SLC41A1: variants seen among roughly 807,000 people sequenced by gnomAD.
SLC41A1 encodes solute carrier family 41 (magnesium transporter), member 1.
Under a neutral mutation model 47.3 loss-of-function variants are expected in SLC41A1, and 20 were observed. The observed-to-expected ratio is 0.42, with a 90% CI of 0.30 to 0.61. The LOEUF (loss-of-function observed/expected upper bound fraction) is 0.61. SLC41A1 is among the 20% of genes least tolerant of loss of function. The pLI, the probability that SLC41A1 is intolerant of heterozygous loss-of-function variation, is 0.17. For synonymous variants in SLC41A1, 282 were observed against 272.7 expected (o/e 1.03, Z -0.34); for missense variants, 504 against 674.1 (o/e 0.75, Z 2.79).
intron 2 of SLC41A1, among the ~76,000 whole-genome samples, chr1:205,809,242 A>G (rs1288529418): frequency 1.3e-5 from 2 of 152,220 alleles, no homozygotes; most frequent in African/African-American, 2.4e-5. Context: ...GAGGTTCTTC[A>G]TAAGTCCTGA....
chr1:205,791,773 A>G lies in SLC41A1; in HGVS notation c.1357-55T>C. The G allele has an allele frequency of 6.3e-7, 1 of 1,598,440 alleles. No individual in the cohort carries two copies. Among genetic ancestry groups the G allele is most frequent in the Non-Finnish European group, 8.5e-7 (1 of 1,172,680 alleles). ...CCATCCTCTCTCTCCAGGGGGAGCC[A>G]GAGGCCACATGATCAGACCCATTCA... On this transcript the variant is annotated intron_variant, in intron 10 of 10. Transcript: ENST00000367137. The surrounding 1 kb of genome is among the most constrained non-coding windows in gnomAD (Gnocchi z 4.0).
At position 205,794,951 on chromosome 1, in the gene SLC41A1, G is replaced by A; in HGVS notation, c.1275C>T (p.Tyr425=). The change falls in exon 10 of 11, where the codon TAC becomes TAT. Residue 425 remains tyrosine (Y), a synonymous_variant. Transcript: ENST00000367137. Reference sequence around the variant, plus strand: ...GCCCGCCCTGCATACAGCTGATGGTGTAGAGGAACACCAGGTGTCCTGGGA... The same window carrying A: ...GCCCGCCCTGCATACAGCTGATGGTATAGAGGAACACCAGGTGTCCTGGGA... The part of the protein sequence containing the change: ...LVVPGHLVFL[Y]TISCMQGGHT... 6.2e-7 allele frequency: 1 copy of A among 1,614,136 alleles called. No homozygotes were observed. Among genetic ancestry groups the A allele is most frequent in the Non-Finnish European group, 8.5e-7 (1 of 1,180,032 alleles).
intron 1 of SLC41A1, among the ~76,000 whole-genome samples, chr1:205,812,345 T>G (rs150690820): frequency 2.2e-4 from 33 of 152,312 alleles, no homozygotes; most frequent in Non-Finnish European, 3.7e-4. Flanking sequence ...GGACTCCCTT[T>G]TCCAATCTCC....
In SLC41A1 at chr1:205,798,677, A is replaced by G. The variant is rs1287941345; in HGVS notation, c.836T>C (p.Leu279Pro). 1.2e-5 allele frequency: 19 copies of G among 1,614,072 alleles called. No homozygotes were observed. Among genetic ancestry groups the G allele is most frequent in the Non-Finnish European group, 1.6e-5 (19 of 1,180,036 alleles). ...CACTCTTGGTGGCTCACTCAGTTCC[A>G]GGTAGAGTCCCCAGCTGATGCCTGA... ...LLSGISWGLY[L>P]ELNHWRYIYP... Residue 279 changes from leucine to proline, a missense_variant, in exon 6 of 11, where the codon CTG becomes CCG. Transcript: ENST00000367137.
intron 8 of SLC41A1, 61 bp downstream of exon 8, chr1:205,796,863 C>T: frequency 1.3e-6 from 2 of 1,543,892 alleles, no homozygotes; most frequent in East Asian, 2.3e-5. Context: ...CTTAAGTCCT[C>T]TTCTCCTGTC....
chr1:205,792,939 C>T (rs923058994), intron 10 of SLC41A1, among the ~76,000 whole-genome samples: 1 of 142,458 alleles, frequency 7.0e-6, no homozygotes, highest in African/African-American at 2.7e-5. Context: ...TGTCCTCTCT[C>T]TTTTTTTTTT....
Position 205,812,473 on chromosome 1 carries a change from G to A in SLC41A1, c.-647+335C>T, listed in dbSNP as rs200213478. ...GAGTCCGCTAAAAGCTGACACCCCC[G>A]CCTCCCTCCTGTGTTCCTGGCAGGC... On this transcript the variant is annotated intron_variant, in intron 1 of 10. Coordinates refer to ENST00000367137, the MANE Select transcript of SLC41A1 (RefSeq NM_173854.6). Among the ~76,000 whole-genome samples the A allele has an allele frequency of 2.0e-5, 3 of 152,214 alleles. No individual in the cohort carries two copies. The Middle Eastern group carries it at 0.01, about 518-fold the overall frequency.
rs201009580 is a variant in SLC41A1, at chr1:205,794,907, A to G, written c.1319T>C (p.Ile440Thr). The G allele has an allele frequency of 4.5e-5, 73 of 1,613,888 alleles. No homozygotes were observed. Among genetic ancestry groups the G allele is most frequent in the Middle Eastern group, 3.3e-4 (2 of 6,076 alleles). The change falls in exon 10 of 11, where the codon ATC becomes ACC. Residue 440 changes from isoleucine (I) to threonine (T), a missense_variant. Coordinates refer to ENST00000367137, the MANE Select transcript of SLC41A1 (RefSeq NM_173854.6). ...MQGGHTTLTLIFIIFYMTAAL... is the reference protein window; with the variant it reads ...MQGGHTTLTLTFIIFYMTAAL... ...AGCTGTCATATAGAAGATGATGAAGATGAGTGTGAGGGTGGTGTGCCCGCC... is the reference window on the plus strand; with the variant it reads ...AGCTGTCATATAGAAGATGATGAAGGTGAGTGTGAGGGTGGTGTGCCCGCC...
intron 10 of SLC41A1, among the ~76,000 whole-genome samples, chr1:205,794,468 G>A (rs1485539246): frequency 1.3e-5 from 2 of 152,144 alleles, no homozygotes; most frequent in Non-Finnish European, 2.9e-5. Context: ...AGTTTTTCAA[G>A]CTATGGGATG....
chr1:205,794,804 C>A, intron 10 of SLC41A1, 66 bp downstream of exon 10: 1 of 1,604,630 alleles, frequency 6.2e-7, no homozygotes, highest in Non-Finnish European at 8.5e-7. Context: ...CCAAGTCTGG[C>A]CTCCTCTCCC....
rs535368121 is a variant in SLC41A1 at position 205,794,783 on chromosome 1, T to A, written c.1356+87A>T. 4 of 1,552,876 alleles carry A rather than the reference T, an allele frequency of 2.6e-6. No individual in the cohort carries two copies. In the South Asian group the frequency reaches 4.6e-5, roughly 18 times the overall value. On this transcript the variant is annotated intron_variant, in intron 10 of 10. Transcript: ENST00000367137. ...TGACACAGAGAAAGAGGAGGTTGAG[T>A]GTCTAAGAGGCCAAGTCTGGCCTCC...
intron 1 of SLC41A1, among the ~76,000 whole-genome samples, 176 bp from the exon 2 acceptor site, chr1:205,811,263 G>T (rs1656148669): frequency 6.6e-6 from 1 of 152,110 alleles, no homozygotes; most frequent in African/African-American, 2.4e-5. Flanking sequence ...CCATCTGGAG[G>T]CTCAGCAGGA....
At chr1:205,793,588 A>C (rs1373371049) in intron 10 of SLC41A1, among the ~76,000 whole-genome samples, 2 of 152,198 alleles carry the variant, frequency 1.3e-5, no homozygotes, top group African/African-American at 2.4e-5. Context: ...AGGGGGCTGG[A>C]GGGATAGGTG....
At chr1:205,798,306 G>A (rs571301751) in intron 6 of SLC41A1, among the ~76,000 whole-genome samples, 1 of 152,290 alleles carries the variant, frequency 6.6e-6, no homozygotes, top group East Asian at 1.9e-4. Flanking sequence ...CCAGAGGACA[G>A]AGACTCTAGG....
Position 205,791,258 on chromosome 1 carries a change from C to T in SLC41A1, c.*275G>A, listed in dbSNP as rs1379830712. The T allele has an allele frequency of 1.3e-5, 6 of 465,874 alleles. No individual in the cohort carries two copies. Among genetic ancestry groups the T allele is most frequent in the African/African-American group, 1.2e-4 (6 of 50,576 alleles). The allele number at this position is 465,874 out of a possible 1,614,324, so 28.9% of individuals were successfully genotyped here. A position where few individuals can be genotyped will look rare whatever the true frequency, so the allele number is the denominator to read the frequency against. On this transcript the variant is annotated 3_prime_UTR_variant, in exon 11 of 11. Coordinates refer to ENST00000367137, the MANE Select transcript of SLC41A1 (RefSeq NM_173854.6). This position sits in a 1 kb window ranked among gnomAD's most constrained non-coding sequence, Gnocchi z 4.0. ...CAGACAAAACTCCCCTGCTCCAGTC[C>T]ACATCACCTGGAGGCACCCACCATG...
At chr1:205,798,297 C>A (rs1429457509) in intron 6 of SLC41A1, among the ~76,000 whole-genome samples, 1 of 152,118 alleles carries the variant, frequency 6.6e-6, no homozygotes, top group Non-Finnish European at 1.5e-5. Context: ...GGACAGAGAC[C>A]AGAGGACAGA....
Position 205,799,749 on chromosome 1 carries a change from GC to G in SLC41A1, c.552+9del. 1 of 1,613,974 alleles carries G rather than the reference GC, an allele frequency of 6.2e-7. No individual in the cohort carries two copies. Among genetic ancestry groups the G allele is most frequent in the African/African-American group, 1.3e-5 (1 of 75,052 alleles). ...GCTTAGCCCACCCTCTCTGGTCCCT[GC>G]CTTCTTACCTGGATGAGGGCCATGT... On this transcript the variant is annotated intron_variant, in intron 4 of 10. Transcript: ENST00000367137.
chr1:205,799,369 C>T (rs918877080), intron 4 of SLC41A1, among the ~76,000 whole-genome samples: 1 of 152,216 alleles, frequency 6.6e-6, no homozygotes, highest in South Asian at 2.1e-4. Flanking sequence ...TGAGGTTCAA[C>T]AGAGCCGGAG....
At chr1:205,799,615 A>G in intron 4 of SLC41A1, 144 bp downstream of exon 4, 2 of 885,160 alleles carry the variant, frequency 2.3e-6, no homozygotes, top group Non-Finnish European at 3.7e-6. Flanking sequence ...TAACCTAGTT[A>G]CCTCCTAGAG....
Sources: gnomAD v4.1 joint callset for allele counts (sites outside exome capture counted in the v4.1 genomes callset) on GRCh38, gnomAD v4.1.1 for gene constraint, Gnocchi (gnomAD v3.1) non-coding constraint, MANE v1.5 for transcripts, NCBI Gene and HGNC (gene_info 2026-07-23, HGNC 2026-07-21) for gene names.